Variants in MX1 observed in about 807,000 individuals in gnomAD.
The protein encoded by MX1 is MX dynamin like GTPase 1, also known as interferon-induced GTP-binding protein Mx1.
MX1 carries 66 observed loss-of-function variants against 66.4 expected under a neutral mutation model. The observed-to-expected ratio is 0.99, with a 90% CI of 0.82 to 1.22. The LOEUF (loss-of-function observed/expected upper bound fraction) is 1.22. MX1 is among the 50% of genes most tolerant of loss of function. The pLI, the probability that MX1 is intolerant of heterozygous loss-of-function variation, is 0.00. For synonymous variants in MX1, 311 were observed against 318.1 expected, an observed-to-expected ratio of 0.98 and a Z score of 0.24; for missense variants, 787 against 834.3, an observed-to-expected ratio of 0.94 and a Z score of 0.70.
upstream of MX1, among the ~76,000 whole-genome samples, chr21:41,423,507 T>G (rs1384498318): frequency 6.6e-6 from 1 of 152,216 alleles, no homozygotes; most frequent in Non-Finnish European, 1.5e-5. Flanking sequence ...TTTTGCCTAA[T>G]TAGTATTTTA....
chr21:41,443,752 C>T, intron 10 of MX1, 36 bp from the exon 11 acceptor site: 1 of 1,603,812 alleles, frequency 6.2e-7, no homozygotes. Context: ...GTTCTGGCTA[C>T]ATCAAGGTGG....
chr21:41,451,492 G>T (rs900946977), intron 15 of MX1, among the ~76,000 whole-genome samples: 2 of 152,092 alleles, frequency 1.3e-5, no homozygotes, highest in African/African-American at 2.4e-5. Context: ...ACATCTAAGG[G>T]CAATGGCTCC....
intron 12 of MX1, 119 bp downstream of exon 12, chr21:41,445,689 G>A (rs572454811): frequency 3.5e-5 from 48 of 1,381,052 alleles, no homozygotes; most frequent in South Asian, 3.4e-4. Context: ...CATCTGGCCC[G>A]TAGCACTCAA....
chr21:41,458,705 C>T lies in MX1; in HGVS notation c.1936C>T (p.Arg646Trp), dbSNP rs753293594. 1.1e-5 allele frequency: 17 copies of T among 1,614,022 alleles called. No individual in the cohort carries two copies. The highest frequency in any genetic ancestry group is 1.7e-5 in the Admixed American group (1 of 60,024). ...CGACAAGCGGAAGTTCCTGAAGGAG[C>T]GGCTTGCACGGCTGACGCAGGCTCG... ...TSDKRKFLKE[R>W]LARLTQARRR... is the part of the protein sequence containing the mutation. Residue 646 changes from arginine (R) to tryptophan (W), a missense_variant, in exon 17 of 17, where the codon CGG (arginine) becomes TGG (tryptophan). Arg to Trp is a moderately radical substitution (Grantham distance 101). Coordinates refer to ENST00000398598, the MANE Select transcript of MX1 (RefSeq NM_002462.5).
chr21:41,453,932 T>G (rs1243455185), intron 16 of MX1, among the ~76,000 whole-genome samples: 3 of 152,118 alleles, frequency 2.0e-5, no homozygotes, highest in African/African-American at 7.2e-5. Flanking sequence ...GCCAAAGGTA[T>G]GTAGATGAAG....
At chr21:41,425,537 GA>G (rs2090043040), upstream of MX1, among the ~76,000 whole-genome samples, 1 of 151,988 alleles carries the variant, frequency 6.6e-6, no homozygotes, top group African/African-American at 2.4e-5. Context: ...AGTCACAGGG[GA>G]TGCGATGGCC....
In MX1 at chr21:41,458,772, A is replaced by G. The variant is rs539626557; in HGVS notation, c.*14A>G. The G allele has an allele frequency of 1.2e-6, 2 of 1,606,274 alleles. No individual in the cohort carries two copies. Among genetic ancestry groups the G allele is most frequent in the African/African-American group, 1.3e-5 (1 of 74,518 alleles). On this transcript the variant is annotated 3_prime_UTR_variant, in exon 17 of 17. Coordinates refer to ENST00000398598, the MANE Select transcript of MX1 (RefSeq NM_002462.5). ...TTCCCCGGTTAACCACACTCTGTCCAGCCCCGTAGACGTGCACGCACACTG... is the reference window on the plus strand; with the variant it reads ...TTCCCCGGTTAACCACACTCTGTCCGGCCCCGTAGACGTGCACGCACACTG...
intron 11 of MX1, 41 bp from the exon 12 acceptor site, chr21:41,445,407 A>C: frequency 6.2e-7 from 1 of 1,611,044 alleles, no homozygotes; most frequent in Non-Finnish European, 8.5e-7. Flanking sequence ...TTCTCTGTTC[A>C]TCTTTACACA....
In MX1 at chr21:41,458,060, A is replaced by G. The variant is rs543995570; in HGVS notation, c.1759-468A>G. 2.6e-5 allele frequency among the ~76,000 whole-genome samples: 4 copies of G among 152,158 alleles called. No individual in the cohort carries two copies. The South Asian group carries it at 6.2e-4, about 24-fold the overall frequency. On this transcript the variant is annotated intron_variant, in intron 16 of 16. Transcript: ENST00000398598. ...GCTCTGTCGCCCAGCCTGGAGTACA[A>G]TGGCGCGATCCCAGCTCACTGCAGC...
At position 41,445,540 on chromosome 21, in the gene MX1, C is replaced by T. The variant is rs747576653; in HGVS notation, c.1101C>T (p.Asp367=). The change falls in exon 12 of 17, where the codon GAC becomes GAT. Residue 367 remains aspartate, a synonymous_variant. Coordinates refer to ENST00000398598, the MANE Select transcript of MX1 (RefSeq NM_002462.5). ...AGTATGGTGTCGACATACCGGAAGA[C>T]GAAAATGAAAAAATGTTCTTCCTGA... ...LQKYGVDIPE[D]ENEKMFFLID... is the part of the protein sequence containing the mutation. 7 of 1,613,966 alleles carry T rather than the reference C, an allele frequency of 4.3e-6. No individual in the cohort carries two copies. Among genetic ancestry groups the T allele is most frequent in the Admixed American group, 1.7e-5 (1 of 60,006 alleles).
intron 15 of MX1, among the ~76,000 whole-genome samples, chr21:41,451,974 A>T (rs1186991226): frequency 1.3e-5 from 2 of 152,126 alleles, no homozygotes; most frequent in Non-Finnish European, 2.9e-5. Flanking sequence ...GGCACAGATG[A>T]GGAGCCTGGC....
intron 5 of MX1, among the ~76,000 whole-genome samples, chr21:41,434,693 A>G (rs1361196085): frequency 6.6e-6 from 1 of 152,210 alleles, no homozygotes; most frequent in Non-Finnish European, 1.5e-5. Flanking sequence ...ACCTTAGAAT[A>G]GTGTATTTCC....
At chr21:41,453,207 T>C (rs1302654893) in intron 16 of MX1, among the ~76,000 whole-genome samples, 1 of 152,116 alleles carries the variant, frequency 6.6e-6, no homozygotes, top group African/African-American at 2.4e-5. Context: ...TATCAAACCA[T>C]CAGATCTCAT....
At chr21:41,434,505 G>A (rs363982) in intron 5 of MX1, among the ~76,000 whole-genome samples, 57,081 of 151,854 alleles carry the variant, frequency 0.38, 12,359 homozygotes, top group Non-Finnish European at 0.51. Flanking sequence ...TATTTGTCCC[G>A]TCTGTTCTTC....
At chr21:41,437,652 A>G (rs562340491) in intron 7 of MX1, among the ~76,000 whole-genome samples, 19 of 152,278 alleles carry the variant, frequency 1.2e-4, no homozygotes, top group African/African-American at 4.3e-4. Context: ...AAACACATGT[A>G]TTGCTTATTA....
upstream of MX1, among the ~76,000 whole-genome samples, chr21:41,425,801 G>A (rs984986690): frequency 6.6e-6 from 1 of 152,106 alleles, no homozygotes; most frequent in Non-Finnish European, 1.5e-5. Flanking sequence ...GACAAGAGGG[G>A]CTCTGCAGCC....
chr21:41,451,236 C>A lies in MX1; in HGVS notation c.1502C>A (p.Thr501Asn). The A allele has an allele frequency of 1.2e-6, 2 of 1,605,792 alleles. No homozygotes were observed. Among genetic ancestry groups the A allele is most frequent in the Non-Finnish European group, 1.7e-6 (2 of 1,173,896 alleles). Residue 501 changes from threonine (T) to asparagine (N), a missense_variant, in exon 15 of 17, where the codon ACC becomes AAC. Coordinates refer to ENST00000398598, the MANE Select transcript of MX1 (RefSeq NM_002462.5). ...GAAGAGTTTTTTAACCTCCACAGAA[C>A]CGCCAAGGTAAAACCAACCATGTGT... ...NFEEFFNLHR[T>N]AKSKIEDIRA...
chr21:41,452,605 T>A lies in MX1; in HGVS notation c.1510-16T>A, dbSNP rs1258282913. ...GTGTCTTGAGGGAAACTGTATTTAT[T>A]TATTTTTTACTGTAGTCCAAAATTG... On this transcript the variant is annotated splice_polypyrimidine_tract_variant and intron_variant, in intron 15 of 16. Coordinates refer to ENST00000398598, the MANE Select transcript of MX1 (RefSeq NM_002462.5). The A allele has an allele frequency of 1.0e-5, 16 of 1,585,072 alleles. No homozygotes were observed. Among genetic ancestry groups the A allele is most frequent in the Non-Finnish European group, 1.4e-5 (16 of 1,167,460 alleles).
At chr21:41,431,463 G>A (rs1213376354) in intron 4 of MX1, among the ~76,000 whole-genome samples, 1 of 148,594 alleles carries the variant, frequency 6.7e-6, no homozygotes, top group Non-Finnish European at 1.5e-5. Context: ...AATATTTTGG[G>A]GAACAGAGGC....
Sources: allele counts gnomAD v4.1 joint callset (sites outside exome capture counted in the v4.1 genomes callset), GRCh38; gene constraint gnomAD v4.1.1; transcripts MANE v1.5; gene names NCBI Gene and HGNC (gene_info 2026-07-23, HGNC 2026-07-21).